The following PBX1 variants were observed in gnomAD, a reference collection of about 807,000 sequenced individuals.
The protein encoded by PBX1 is pre-B-cell leukemia transcription factor 1.
A neutral mutation model predicts 53.4 loss-of-function variants in PBX1; 6 were observed. That is an observed-to-expected ratio of 0.11 (90% CI 0.06 to 0.22). The LOEUF is 0.22. Ranked by LOEUF, PBX1 falls within the 10% of genes least tolerant of loss-of-function variation. The pLI, the probability that PBX1 is intolerant of heterozygous loss-of-function variation, is 1.00. For missense variants in PBX1, 251 were observed against 551.4 expected (o/e 0.46, Z 5.46); for synonymous variants, 204 against 212.3 (o/e 0.96, Z 0.34).
rs144200065 is a variant in PBX1 at position 164,637,907 on chromosome 1, G to A, written c.265+74596G>A. Among the ~76,000 whole-genome samples the A allele has an allele frequency of 1.3e-3, 201 of 152,260 alleles. 1 individual carries two copies. The highest frequency in any genetic ancestry group is 9.2e-3 in the East Asian group (48 of 5,190). ...TTACTCATCTCTCTGGCATGTCACT[G>A]CACTCAGGAGAAGATTTGTGCAACT... On this transcript the variant is annotated intron_variant, in intron 2 of 8. Coordinates refer to ENST00000420696, the MANE Select transcript of PBX1 (RefSeq NM_002585.4).
intron 2 of PBX1, among the ~76,000 whole-genome samples, chr1:164,776,681 T>C (rs1667662111): frequency 6.6e-6 from 1 of 152,162 alleles, no homozygotes; most frequent in African/African-American, 2.4e-5. Flanking sequence ...TTAGAACATA[T>C]CCAAAAGGAA....
chr1:164,788,206 A>G (rs1668299619), intron 2 of PBX1, among the ~76,000 whole-genome samples: 1 of 152,116 alleles, frequency 6.6e-6, no homozygotes, highest in Non-Finnish European at 1.5e-5. Flanking sequence ...GAGTGTTAAC[A>G]TCTCTGGTGT....
At chr1:164,801,213 G>A (rs1318801169) in intron 4 of PBX1, among the ~76,000 whole-genome samples, 1 of 152,092 alleles carries the variant, frequency 6.6e-6, no homozygotes, top group Non-Finnish European at 1.5e-5. Flanking sequence ...GTAATGGAGT[G>A]GAAATAGGCA....
chr1:164,851,253 A>T lies in PBX1; in HGVS notation c.*4577A>T, dbSNP rs780960576. On this transcript the variant is annotated 3_prime_UTR_variant, in exon 9 of 9. Transcript: ENST00000420696. ...ATCTGGAAAAAAATTCATTTTAAATACCATCATTCAACAAATTATGTTCAG... is the reference window on the plus strand; with the variant it reads ...ATCTGGAAAAAAATTCATTTTAAATTCCATCATTCAACAAATTATGTTCAG... 1 of 208,152 alleles carries T rather than the reference A, an allele frequency of 4.8e-6. No individual in the cohort carries two copies. Among genetic ancestry groups the T allele is most frequent in the Non-Finnish European group, 9.8e-6 (1 of 102,134 alleles). The allele number at this position is 208,152 out of a possible 1,614,324, so 12.9% of individuals were successfully genotyped here.
chr1:164,733,180 C>T lies in PBX1; in HGVS notation c.266-59314C>T, dbSNP rs556900898. ...CTGTTGAGTTCTGACTTCAGACTGG[C>T]TCTGCATGGATCTCATTCTACATTC... On this transcript the variant is annotated intron_variant, in intron 2 of 8. Coordinates refer to ENST00000420696, the MANE Select transcript of PBX1 (RefSeq NM_002585.4). 3.9e-5 allele frequency among the ~76,000 whole-genome samples: 6 copies of T among 152,318 alleles called. No homozygotes were observed. The South Asian group carries it at 8.3e-4, about 21-fold the overall frequency.
chr1:164,724,320 A>G (rs1275300629), intron 2 of PBX1, among the ~76,000 whole-genome samples: 1 of 152,094 alleles, frequency 6.6e-6, no homozygotes, highest in African/African-American at 2.4e-5. Flanking sequence ...CCTCTCTCAT[A>G]TATGTATGTC....
intron 2 of PBX1, among the ~76,000 whole-genome samples, chr1:164,731,912 C>G (rs1665010097): frequency 6.6e-6 from 1 of 152,122 alleles, no homozygotes; most frequent in Admixed American, 6.6e-5. Flanking sequence ...TCCAGCATCA[C>G]CAGTGGGATG....
chr1:164,760,709 C>T (rs1318657479), intron 2 of PBX1, among the ~76,000 whole-genome samples: 1 of 152,188 alleles, frequency 6.6e-6, no homozygotes, highest in Admixed American at 6.5e-5. Context: ...GCTGCTAATG[C>T]AGCATGCGTT....
intron 2 of PBX1, among the ~76,000 whole-genome samples, chr1:164,747,638 A>G (rs1665967590): frequency 6.6e-6 from 1 of 152,192 alleles, no homozygotes; most frequent in South Asian, 2.1e-4. Flanking sequence ...TGAGTAAAGC[A>G]GGATTTTGCT....
intron 2 of PBX1, among the ~76,000 whole-genome samples, chr1:164,649,352 A>G (rs185448747): frequency 3.1e-4 from 47 of 152,240 alleles, no homozygotes; most frequent in Non-Finnish European, 5.7e-4. Flanking sequence ...TGACTCATCT[A>G]TTTTCATGCC....
intron 2 of PBX1, chr1:164,641,400 G>A (rs1659133475): frequency 6.5e-6 from 1 of 153,054 alleles, no homozygotes; most frequent in African/African-American, 2.4e-5. Flanking sequence ...GGCCAGTAAA[G>A]CCACCAGGCC....
rs556289070 is a variant in PBX1, at chr1:164,628,797, C to T, written c.265+65486C>T. Among the ~76,000 whole-genome samples the T allele has an allele frequency of 9.2e-5, 14 of 152,038 alleles. 1 individual carries two copies. The South Asian group carries it at 2.7e-3, about 29-fold the overall frequency. On this transcript the variant is annotated intron_variant, in intron 2 of 8. Coordinates refer to ENST00000420696, the MANE Select transcript of PBX1 (RefSeq NM_002585.4). ...TTTTAGTGCCTTAGTTTGGGTTGACCGCCTTATTACTCACGAGTGAGCTAT... is the reference window on the plus strand; with the variant it reads ...TTTTAGTGCCTTAGTTTGGGTTGACTGCCTTATTACTCACGAGTGAGCTAT...
At position 164,876,527 on chromosome 1, in the gene PBX1, A is replaced by C. The variant is rs180982559; in HGVS notation, n.258-22661A>C. Among the ~76,000 whole-genome samples the C allele has an allele frequency of 3.0e-3, 462 of 151,926 alleles. 3 individuals are homozygous for C. Among genetic ancestry groups the C allele is most frequent in the Admixed American group, 0.016 (250 of 15,260 alleles). On this transcript the variant is annotated intron_variant and non_coding_transcript_variant, in intron 2 of 2. Coordinates refer to the PBX1 transcript ENST00000558796. ...TCCGCGTTTCTGAGAACTCAGGGCT[A>C]ATCTATAAGTGGGGGCGGGGCGGGG...
At position 164,847,978 on chromosome 1, in the gene PBX1, T is replaced by A; in HGVS notation, c.*1302T>A. Reference sequence around the variant, plus strand: ...GGACTTGATTCTGTTTAATTTTTTGTTTTATATTAGGCACACTGTATTAAT... The same window carrying A: ...GGACTTGATTCTGTTTAATTTTTTGATTTATATTAGGCACACTGTATTAAT... On this transcript the variant is annotated 3_prime_UTR_variant, in exon 9 of 9. Transcript: ENST00000420696. 2 of 1,050,748 alleles carry A rather than the reference T, an allele frequency of 1.9e-6. No homozygotes were observed. Among genetic ancestry groups the A allele is most frequent in the Non-Finnish European group, 2.3e-6 (2 of 870,076 alleles). The allele number at this position is 1,050,748 out of a possible 1,614,324, so 65.1% of individuals were successfully genotyped here. A position where few individuals can be genotyped will look rare whatever the true frequency, so the allele number is the denominator to read the frequency against.
At chr1:164,592,383 A>G (rs1157721649) in intron 2 of PBX1, among the ~76,000 whole-genome samples, 2 of 152,194 alleles carry the variant, frequency 1.3e-5, no homozygotes, top group African/African-American at 2.4e-5. Context: ...TATTGCTGCA[A>G]ATTTGCCTAG....
chr1:164,687,259 C>T (rs1403144021), intron 2 of PBX1, among the ~76,000 whole-genome samples: 2 of 152,086 alleles, frequency 1.3e-5, no homozygotes, highest in Non-Finnish European at 2.9e-5. Context: ...AACTGTTTAT[C>T]AACTGGTATC....
chr1:164,604,951 A>G (rs543506167), intron 2 of PBX1, among the ~76,000 whole-genome samples: 51 of 152,330 alleles, frequency 3.3e-4, no homozygotes, highest in Non-Finnish European at 6.0e-4. Context: ...CCTTTATTCC[A>G]TAGAGGTGGA....
At chr1:164,866,500 C>T (rs1672221991) in intron 2 of PBX1, among the ~76,000 whole-genome samples, 1 of 152,162 alleles carries the variant, frequency 6.6e-6, no homozygotes, top group Non-Finnish European at 1.5e-5. Flanking sequence ...AGAAGCCATC[C>T]TTGAATGACA....
intron 1 of PBX1, chr1:164,560,433 T>C: frequency 2.6e-6 from 1 of 378,498 alleles, no homozygotes. Context: ...CATTACGAAA[T>C]AAAATGTCCC....
Sources: allele counts gnomAD v4.1 joint callset (sites outside exome capture counted in the v4.1 genomes callset), GRCh38; gene constraint gnomAD v4.1.1; transcripts MANE v1.5; gene names NCBI Gene and HGNC (gene_info 2026-07-23, HGNC 2026-07-21).